Variants in PCDHGA3 observed in about 807,000 individuals in gnomAD.
The protein encoded by PCDHGA3 is protocadherin gamma subfamily A, 3.
A neutral mutation model predicts 58.5 loss-of-function variants in PCDHGA3; 40 were observed. That is an observed-to-expected ratio of 0.68 (90% CI 0.53 to 0.89). The LOEUF is 0.89. Ranked by LOEUF, PCDHGA3 falls within the 40% of genes least tolerant of loss-of-function variation. The pLI is 0.00. For missense variants in PCDHGA3, 1,223 were observed against 1,195.9 expected, an observed-to-expected ratio of 1.02 and a Z score of -0.33; for synonymous variants, 530 against 525.7, an observed-to-expected ratio of 1.01 and a Z score of -0.11.
In PCDHGA3 at chr5:141,477,147, A is replaced by G. The variant is rs1195888163; in HGVS notation, c.2425-17660A>G. On this transcript the variant is annotated intron_variant, in intron 1 of 3. Coordinates refer to ENST00000253812, the MANE Select transcript of PCDHGA3 (RefSeq NM_018916.4). The surrounding 1 kb of genome is among the most constrained non-coding windows in gnomAD (Gnocchi z 4.9). The stretch of plus-strand genomic sequence containing the variant: ...TGCAAAGTGTTGGTGGAGGTTGTGG[A>G]TGTGAATGACAACGCCCCGGAGATC... 2 of 1,614,168 alleles carry G rather than the reference A, an allele frequency of 1.2e-6. No individual in the cohort carries two copies. The highest frequency in any genetic ancestry group is 1.1e-5 in the South Asian group (1 of 91,080).
chr5:141,477,779 A>C lies in PCDHGA3; in HGVS notation c.2425-17028A>C. ...CCTAGCCACCAACATCAGCGTGAAC[A>C]TATTTGTCACTGATCGCAATGACAA... is the stretch of plus-strand genomic sequence containing the variant. On this transcript the variant is annotated intron_variant, in intron 1 of 3. Transcript: ENST00000253812. The surrounding 1 kb of genome is among the most constrained non-coding windows in gnomAD (Gnocchi z 4.9). 1.2e-6 allele frequency: 2 copies of C among 1,614,012 alleles called. No individual in the cohort carries two copies. Among genetic ancestry groups the C allele is most frequent in the Non-Finnish European group, 1.7e-6 (2 of 1,180,020 alleles).
At chr5:141,374,258 T>G (rs1770318137) in intron 1 of PCDHGA3, 2 of 1,613,806 alleles carry the variant, frequency 1.2e-6, no homozygotes, top group African/African-American at 1.3e-5. Flanking sequence ...GCCCCAGGAG[T>G]TGGCGGAGCA....
At chr5:141,389,724 C>A in intron 1 of PCDHGA3, 3 of 1,612,722 alleles carry the variant, frequency 1.9e-6, no homozygotes, top group African/African-American at 1.3e-5. Context: ...CGAGCCCGGG[C>A]TCTTCAGCCT....
chr5:141,494,675 C>A, intron 1 of PCDHGA3, 132 bp from the exon 2 acceptor site: 2 of 1,548,574 alleles, frequency 1.3e-6, no homozygotes, highest in South Asian at 1.2e-5. Flanking sequence ...TGAGTCCACC[C>A]CTGCCCCCTC....
intron 1 of PCDHGA3, chr5:141,416,850 T>C (rs2096064812): frequency 6.6e-6 from 1 of 151,902 alleles, no homozygotes; most frequent in South Asian, 2.1e-4. Flanking sequence ...AATTCCATGA[T>C]TTTTTTCAGG....
At chr5:141,371,681 T>A (rs529874051) in intron 1 of PCDHGA3, 27 of 1,613,832 alleles carry the variant, frequency 1.7e-5, no homozygotes, top group Non-Finnish European at 2.0e-5. Flanking sequence ...ACAAAGGCAA[T>A]CCACCGCTCT....
intron 1 of PCDHGA3, among the ~76,000 whole-genome samples, chr5:141,435,652 G>A (rs978809372): frequency 3.9e-5 from 6 of 152,226 alleles, no homozygotes; most frequent in East Asian, 1.9e-4. Flanking sequence ...TTTCTGAAAC[G>A]TGCACAGATT....
chr5:141,352,265 C>A (rs760271009), intron 1 of PCDHGA3: 2 of 1,614,084 alleles, frequency 1.2e-6, no homozygotes, highest in South Asian at 2.2e-5. Flanking sequence ...AGAGGTATTG[C>A]CAGACCTCAG....
intron 1 of PCDHGA3, chr5:141,422,606 C>A: frequency 6.2e-7 from 1 of 1,613,904 alleles, no homozygotes; most frequent in Non-Finnish European, 8.5e-7. Context: ...TCTTACTCTG[C>A]CTACATTCCC....
chr5:141,374,484 TAAAGG>T, intron 1 of PCDHGA3: 1 of 1,611,588 alleles, frequency 6.2e-7, no homozygotes, highest in Non-Finnish European at 8.5e-7. Flanking sequence ...CCCCGATTCT[TAAAGG>T]AAGAATTGGA....
rs1000330093 is a variant in PCDHGA3 at position 141,511,812 on chromosome 5, C to T, written c.*639C>T. 2.5e-5 allele frequency: 4 copies of T among 157,260 alleles called. No individual in the cohort carries two copies. Among genetic ancestry groups the T allele is most frequent in the African/African-American group, 9.6e-5 (4 of 41,492 alleles). The allele number at this position is 157,260 out of a possible 1,614,324, so 9.7% of individuals were successfully genotyped here. The stretch of plus-strand genomic sequence containing the variant: ...TAGGGAGGGCATTTTGCTACCAAGC[C>T]TCTTCCCAACGCCCTGGGGACCAGT... On this transcript the variant is annotated 3_prime_UTR_variant, in exon 4 of 4. Transcript: ENST00000253812.
intron 2 of PCDHGA3, among the ~76,000 whole-genome samples, chr5:141,496,121 C>A (rs1391009290): frequency 6.6e-6 from 1 of 152,088 alleles, no homozygotes; most frequent in Non-Finnish European, 1.5e-5. Flanking sequence ...TCCTTCCCTG[C>A]CCCTCACACA....
intron 1 of PCDHGA3, chr5:141,375,334 G>C (rs1417595608): frequency 1.9e-6 from 3 of 1,613,802 alleles, no homozygotes; most frequent in East Asian, 2.2e-5. Context: ...AGGTATTCTT[G>C]TACAACATCA....
intron 1 of PCDHGA3, chr5:141,410,801 A>T: frequency 3.4e-6 from 2 of 587,936 alleles, no homozygotes; most frequent in South Asian, 3.5e-5. Context: ...AAGTTGCTCT[A>T]TCTTTTTGTA....
At chr5:141,356,187 T>A in intron 1 of PCDHGA3, 1 of 1,611,210 alleles carries the variant, frequency 6.2e-7, no homozygotes, top group Non-Finnish European at 8.5e-7. Flanking sequence ...GTCTCCGAGC[T>A]AGAAGCAAGG....
Position 141,487,399 on chromosome 5 carries a change from G to A in PCDHGA3, c.2425-7408G>A. 1.2e-6 allele frequency: 2 copies of A among 1,614,140 alleles called. No homozygotes were observed. Among genetic ancestry groups the A allele is most frequent in the South Asian group, 1.1e-5 (1 of 91,088 alleles). On this transcript the variant is annotated intron_variant, in intron 1 of 3. Coordinates refer to ENST00000253812, the MANE Select transcript of PCDHGA3 (RefSeq NM_018916.4). The surrounding 1 kb of genome is among the most constrained non-coding windows in gnomAD (Gnocchi z 5.0). ...TCACCAGATCTCGAAGGAGGGAGGGGCTTCCCCCTTCCAATGGGATCCTCC... is the reference window on the plus strand; with the variant it reads ...TCACCAGATCTCGAAGGAGGGAGGGACTTCCCCCTTCCAATGGGATCCTCC...
chr5:141,390,137 T>C lies in PCDHGA3; in HGVS notation c.2424+43680T>C, dbSNP rs373308909. The stretch of plus-strand genomic sequence containing the variant: ...AGGGGACTTTGCCTTATTCCTACAA[T>C]CTATGTGTTGCACATACAGGAAAGA... On this transcript the variant is annotated intron_variant, in intron 1 of 3. Coordinates refer to ENST00000253812, the MANE Select transcript of PCDHGA3 (RefSeq NM_018916.4). 3.1e-4 allele frequency: 506 copies of C among 1,614,052 alleles called. 2 individuals carry two copies. The African/African-American group carries it at 6.2e-3, about 20-fold the overall frequency.
chr5:141,409,824 C>T (rs1265260597), intron 1 of PCDHGA3: 1 of 1,610,860 alleles, frequency 6.2e-7, no homozygotes, highest in Non-Finnish European at 8.5e-7. Flanking sequence ...GGCTCGCCCA[C>T]GCTCAGCGCC....
intron 1 of PCDHGA3, chr5:141,411,714 G>C (rs889829564): frequency 6.6e-6 from 1 of 152,420 alleles, no homozygotes; most frequent in Middle Eastern, 3.1e-3. Context: ...AGACTCCATC[G>C]CTACAGAACA....
Sources: allele counts gnomAD v4.1 joint callset (sites outside exome capture counted in the v4.1 genomes callset), GRCh38; gene constraint gnomAD v4.1.1; non-coding constraint Gnocchi (gnomAD v3.1); transcripts MANE v1.5; gene names NCBI Gene and HGNC (gene_info 2026-07-23, HGNC 2026-07-21).